Variants in SPTLC2 observed in about 807,000 individuals in gnomAD.
SPTLC2 encodes serine palmitoyltransferase long chain base subunit 2, also known as serine palmitoyltransferase 2.
Under a neutral mutation model 62.0 loss-of-function variants are expected in SPTLC2, and 21 were observed. The observed-to-expected ratio is 0.34, with a 90% confidence interval of 0.24 to 0.49. The LOEUF (loss-of-function observed/expected upper bound fraction) is 0.49, where lower values mean the gene tolerates loss of function less well. SPTLC2 is among the 20% of genes least tolerant of loss of function. The pLI, the probability that SPTLC2 is intolerant of heterozygous loss-of-function variation, is 0.99. For synonymous variants in SPTLC2, 261 were observed against 261.8 expected (o/e 1.00, Z 0.03); for missense variants, 511 against 713.0 (o/e 0.72, Z 3.23).
At position 77,569,833 on chromosome 14, in the gene SPTLC2, A is replaced by ACTATATATATT. The variant is rs1566783336; in HGVS notation, c.756+550_756+551insAATATATATAG. On this transcript the variant is annotated intron_variant, in intron 5 of 11. Coordinates refer to ENST00000216484, the MANE Select transcript of SPTLC2 (RefSeq NM_004863.4). ...ATACATATATGTTATATATATATAT[A>ACTATATATATT]ATATACAATATTATATATATGTATA... 1.1e-3 allele frequency among the ~76,000 whole-genome samples: 39 copies of ACTATATATATT among 35,404 alleles called. 8 individuals carry two copies. In the East Asian group the frequency reaches 0.029, roughly 26 times the overall value. 23.2% of individuals were successfully genotyped at this position (35,404 alleles called of 152,430 possible).
At chr14:77,556,832 T>C (rs1036910314) in intron 7 of SPTLC2, among the ~76,000 whole-genome samples, 1 of 152,238 alleles carries the variant, frequency 6.6e-6, no homozygotes, top group African/African-American at 2.4e-5. Context: ...GGGGATTTGG[T>C]GACCATGTAG....
chr14:77,616,492 C>T lies in SPTLC2; in HGVS notation c.88G>A (p.Val30Met). 6.5e-7 allele frequency: 1 copy of T among 1,531,864 alleles called. No homozygotes were observed. Among genetic ancestry groups the T allele is most frequent in the Middle Eastern group, 1.7e-4 (1 of 5,864 alleles). The allele number at this position is 1,531,864 out of a possible 1,614,324, so 94.9% of individuals were successfully genotyped here. Residue 30 changes from valine to methionine, a missense_variant, in exon 1 of 12, where the codon GTG becomes ATG. Val to Met is a conservative substitution (Grantham distance 21). Transcript: ENST00000216484. ...VANGEVRNGY[V>M]RSSAAAAAAA... ...GCTGCGGCTGCAGCGCTGCTCCTCA[C>T]GTACCCGTTCCGTACTTCCCCGTTC... is the stretch of plus-strand genomic sequence containing the variant.
At chr14:77,581,370 T>C (rs1380152787) in intron 2 of SPTLC2, among the ~76,000 whole-genome samples, 1 of 150,966 alleles carries the variant, frequency 6.6e-6, no homozygotes. Context: ...AGTCAGAAGC[T>C]ACTCTAAGAA....
At chr14:77,575,114 T>C (rs1327033904) in intron 4 of SPTLC2, among the ~76,000 whole-genome samples, 1 of 151,950 alleles carries the variant, frequency 6.6e-6, no homozygotes, top group Admixed American at 6.5e-5. Context: ...CCTAACTACT[T>C]AGGAGGCTGA....
At chr14:77,616,353 T>C (rs922060323) in intron 1 of SPTLC2, 95 bp downstream of exon 1, 12 of 743,790 alleles carry the variant, frequency 1.6e-5, no homozygotes, top group East Asian at 4.3e-5. Context: ...GCCCCGCGGA[T>C]TGCCCAGCGG....
chr14:77,605,106 G>A (rs1486506584), intron 1 of SPTLC2, among the ~76,000 whole-genome samples: 1 of 151,868 alleles, frequency 6.6e-6, no homozygotes, highest in East Asian at 1.9e-4. Context: ...CAAACTCCTG[G>A]GCTCATGTAA....
At chr14:77,531,462 C>T (rs2079438935) in intron 9 of SPTLC2, among the ~76,000 whole-genome samples, 1 of 124,224 alleles carries the variant, frequency 8.0e-6, no homozygotes, top group African/African-American at 3.5e-5. Flanking sequence ...TCTCCTCCTC[C>T]TCCTCCTCCT....
At chr14:77,547,863 T>A (rs2079537084) in intron 9 of SPTLC2, 1 of 143,850 alleles carries the variant, frequency 7.0e-6, no homozygotes, top group East Asian at 2.0e-4. Flanking sequence ...CACTGCATTG[T>A]CCTGGAATGT....
chr14:77,610,063 T>TATATCCTC (rs2079926953), intron 1 of SPTLC2, among the ~76,000 whole-genome samples: 1 of 152,214 alleles, frequency 6.6e-6, no homozygotes, highest in Non-Finnish European at 1.5e-5. Context: ...CTAATTTCTC[T>TATATCCTC]ATATCCTCAT....
intron 11 of SPTLC2, among the ~76,000 whole-genome samples, chr14:77,513,570 C>A (rs1171559359): frequency 1.3e-5 from 2 of 152,042 alleles, no homozygotes; most frequent in Non-Finnish European, 2.9e-5. Flanking sequence ...TTCACCTGAC[C>A]TCTGTGACAA....
chr14:77,550,603 A>T (rs2044717492), intron 9 of SPTLC2, among the ~76,000 whole-genome samples: 1 of 151,898 alleles, frequency 6.6e-6, no homozygotes, highest in Admixed American at 6.6e-5. Context: ...AGGAAAAGAA[A>T]AGAAAAGAAA....
At chr14:77,588,996 C>CAAAAAAA (rs60536883) in intron 2 of SPTLC2, among the ~76,000 whole-genome samples, 11 of 74,608 alleles carry the variant, frequency 1.5e-4, no homozygotes, top group African/African-American at 4.1e-4. Flanking sequence ...GACCTTGTCT[C>CAAAAAAA]AAAAAAAAAA....
intron 9 of SPTLC2, among the ~76,000 whole-genome samples, chr14:77,542,692 C>T (rs1007214919): frequency 6.6e-6 from 1 of 152,166 alleles, no homozygotes; most frequent in Non-Finnish European, 1.5e-5. Flanking sequence ...AAAGCAGCCC[C>T]TTGGTTTCCT....
chr14:77,575,025 T>C (rs551410385), intron 4 of SPTLC2, among the ~76,000 whole-genome samples: 9 of 152,202 alleles, frequency 5.9e-5, no homozygotes, highest in South Asian at 4.2e-4. Flanking sequence ...CTGGGCAACA[T>C]AGCCTCTTGA....
intron 5 of SPTLC2, among the ~76,000 whole-genome samples, chr14:77,566,726 C>T (rs1399496302): frequency 6.6e-6 from 1 of 152,104 alleles, no homozygotes; most frequent in African/African-American, 2.4e-5. Flanking sequence ...TCCCAAAGTC[C>T]TGGGATTACA....
chr14:77,606,283 C>T (rs529201291), intron 1 of SPTLC2, among the ~76,000 whole-genome samples: 51 of 152,256 alleles, frequency 3.3e-4, no homozygotes, highest in Middle Eastern at 3.4e-3. Flanking sequence ...TGAGCCAAAA[C>T]CGCGTGCCAC....
intron 9 of SPTLC2, among the ~76,000 whole-genome samples, chr14:77,525,734 C>A (rs564341963): frequency 6.6e-6 from 1 of 152,048 alleles, no homozygotes; most frequent in Non-Finnish European, 1.5e-5. Context: ...CACGGTGAAA[C>A]CCCGTCTCTA....
At chr14:77,566,183 G>C (rs1260188930) in intron 5 of SPTLC2, among the ~76,000 whole-genome samples, 1 of 105,936 alleles carries the variant, frequency 9.4e-6, no homozygotes, top group Admixed American at 1.1e-4. Flanking sequence ...TTTTTAGACA[G>C]CCTTTTTTAG....
chr14:77,521,633 G>A (rs755004151), intron 9 of SPTLC2, 52 bp from the exon 10 acceptor site: 56 of 1,540,884 alleles, frequency 3.6e-5, no homozygotes, highest in Non-Finnish European at 4.6e-5. Context: ...AAAAGGAATG[G>A]AAAAAAGACA....
Sources: allele counts gnomAD v4.1 joint callset (sites outside exome capture counted in the v4.1 genomes callset), GRCh38; gene constraint gnomAD v4.1.1; transcripts MANE v1.5; gene names NCBI Gene and HGNC (gene_info 2026-07-23, HGNC 2026-07-21).